The following PHLDB2 variants were observed in gnomAD, a reference collection of about 807,000 sequenced individuals.
The protein encoded by PHLDB2 is pleckstrin homology like domain family B member 2.
PHLDB2 carries 71 observed loss-of-function variants against 123.6 expected under a neutral mutation model. The ratio of observed to expected loss-of-function variants is 0.57; its 90% CI spans 0.47 to 0.70. The LOEUF is 0.70. PHLDB2 is among the 30% of genes least tolerant of loss of function. The pLI, the probability that PHLDB2 is intolerant of heterozygous loss-of-function variation, is 0.00. For missense variants in PHLDB2, 1,446 were observed against 1,519.5 expected (o/e 0.95, Z 0.80); for synonymous variants, 547 against 541.6 (o/e 1.01, Z -0.14).
intron 1 of PHLDB2, among the ~76,000 whole-genome samples, chr3:111,748,471 G>A (rs1209392487): frequency 3.3e-5 from 5 of 152,154 alleles, no homozygotes; most frequent in African/African-American, 7.2e-5. Flanking sequence ...TGGTGACCCT[G>A]TGAGGCTCTA....
intron 1 of PHLDB2, among the ~76,000 whole-genome samples, chr3:111,739,853 G>T (rs566686919): frequency 3.3e-5 from 5 of 151,448 alleles, no homozygotes; most frequent in South Asian, 4.2e-4. Context: ...AAAAAGGCAG[G>T]TTTTTTTTTA....
chr3:111,934,884 A>G (rs2069374220), intron 6 of PHLDB2, among the ~76,000 whole-genome samples: 1 of 152,180 alleles, frequency 6.6e-6, no homozygotes, highest in South Asian at 2.1e-4. Context: ...GGGTTGTCCA[A>G]GACTAATGGA....
intron 1 of PHLDB2, among the ~76,000 whole-genome samples, chr3:111,868,316 A>G (rs1315771864): frequency 6.6e-6 from 1 of 152,178 alleles, no homozygotes; most frequent in Non-Finnish European, 1.5e-5. Context: ...CACCTTGCCT[A>G]GCTTCATACA....
At chr3:111,732,719 G>C in intron 1 of PHLDB2, 1 of 1,527,024 alleles carries the variant, frequency 6.5e-7, no homozygotes, top group Non-Finnish European at 8.8e-7. Context: ...TGATCTCTCT[G>C]GTCACTGGCC....
intron 1 of PHLDB2, among the ~76,000 whole-genome samples, chr3:111,770,247 T>C (rs1576549328): frequency 6.6e-6 from 1 of 152,344 alleles, no homozygotes; most frequent in Non-Finnish European, 1.5e-5. Flanking sequence ...TTTTGGGATA[T>C]GGGAACTCAG....
intron 1 of PHLDB2, among the ~76,000 whole-genome samples, chr3:111,881,773 C>CTTTTTTTT (rs11298720): frequency 7.3e-6 from 1 of 137,432 alleles, no homozygotes; most frequent in African/African-American, 2.7e-5. Flanking sequence ...CCTCACTTTT[C>CTTTTTTTT]TTTTTTTTTT....
chr3:111,884,767 A>G lies in PHLDB2; in HGVS notation c.690A>G (p.Ala230=). The G allele has an allele frequency of 6.2e-7, 1 of 1,614,100 alleles. No individual in the cohort carries two copies. The highest frequency in any genetic ancestry group is 8.5e-7 in the Non-Finnish European group (1 of 1,180,012). The part of the protein sequence containing the change: ...QPKLTRHKEL[A]SENINLRTRK... ...AGTTAACTAGACACAAGGAGCTTGC[A>G]TCTGAAAACATCAATTTGAGAACTA... is the stretch of plus-strand genomic sequence containing the variant. The change falls in exon 2 of 18, where the codon GCA becomes GCG. Residue 230 remains alanine (A), a synonymous_variant. Coordinates refer to ENST00000431670, the MANE Select transcript of PHLDB2 (RefSeq NM_001134438.2).
chr3:111,953,387 A>C (rs551643780), intron 11 of PHLDB2, among the ~76,000 whole-genome samples: 1 of 152,316 alleles, frequency 6.6e-6, no homozygotes, highest in East Asian at 1.9e-4. Context: ...GCCCTTAATC[A>C]GAGTAACTTT....
intron 6 of PHLDB2, among the ~76,000 whole-genome samples, chr3:111,937,318 T>C (rs2069557059): frequency 6.6e-6 from 1 of 152,186 alleles, no homozygotes; most frequent in Non-Finnish European, 1.5e-5. Context: ...AATATCGATA[T>C]AGAAATAACT....
chr3:111,796,319 G>A (rs2061160239), intron 1 of PHLDB2, among the ~76,000 whole-genome samples: 3 of 152,190 alleles, frequency 2.0e-5, no homozygotes, highest in Non-Finnish European at 4.4e-5. Flanking sequence ...GAAGTGTTAA[G>A]ACACTGTCTT....
At position 111,884,122 on chromosome 3, in the gene PHLDB2, T is replaced by A. The variant is rs538840031; in HGVS notation, c.45T>A (p.Asn15Lys). 1.9e-6 allele frequency: 3 copies of A among 1,613,998 alleles called. No homozygotes were observed. In the African/African-American group the frequency reaches 4.0e-5, roughly 22 times the overall value. The change falls in exon 2 of 18, where the codon AAT becomes AAA. Residue 15 changes from asparagine to lysine, a missense_variant. Coordinates refer to ENST00000431670, the MANE Select transcript of PHLDB2 (RefSeq NM_001134438.2). ...SYIQKELDLQ[N>K]GSLEEDSVVH... ...TACAAAAGGAGCTAGATTTACAAAATGGTAGCTTAGAGGAAGACTCTGTGG... is the reference window on the plus strand; with the variant it reads ...TACAAAAGGAGCTAGATTTACAAAAAGGTAGCTTAGAGGAAGACTCTGTGG...
chr3:111,806,580 G>A (rs1237904972), intron 1 of PHLDB2, among the ~76,000 whole-genome samples: 1 of 151,576 alleles, frequency 6.6e-6, no homozygotes, highest in African/African-American at 2.4e-5. Flanking sequence ...TGCTTCCCGG[G>A]TTCAAGCAAT....
At chr3:111,870,053 TTC>T (rs2065264372) in intron 1 of PHLDB2, among the ~76,000 whole-genome samples, 1 of 152,242 alleles carries the variant, frequency 6.6e-6, no homozygotes, top group Admixed American at 6.5e-5. Context: ...ACAGGCTTTT[TTC>T]TCTCTCTGCT....
chr3:111,815,810 C>T (rs1274257641), intron 1 of PHLDB2, among the ~76,000 whole-genome samples: 3 of 152,206 alleles, frequency 2.0e-5, no homozygotes, highest in Non-Finnish European at 4.4e-5. Context: ...ATCCCCAAGA[C>T]AATGGGGACA....
intron 2 of PHLDB2, among the ~76,000 whole-genome samples, chr3:111,894,533 T>TA (rs1246133866): frequency 2.0e-5 from 3 of 151,926 alleles, no homozygotes; most frequent in Non-Finnish European, 4.4e-5. Flanking sequence ...ACCAACAGTG[T>TA]AAAAGTGTTC....
At chr3:111,756,716 G>A (rs1251766323) in intron 1 of PHLDB2, among the ~76,000 whole-genome samples, 3 of 152,086 alleles carry the variant, frequency 2.0e-5, no homozygotes, top group African/African-American at 4.8e-5. Context: ...TATTTTGCTC[G>A]TTAGTGGATG....
Position 111,778,036 on chromosome 3 carries a change from C to T in PHLDB2, c.-49+45333C>T, listed in dbSNP as rs140570483. The stretch of plus-strand genomic sequence containing the variant: ...GGAGAGCTCCGGATTTACATTTCAT[C>T]GCACAATCAACCTACTGCCCCTTGG... On this transcript the variant is annotated intron_variant, in intron 1 of 17. Coordinates refer to the PHLDB2 transcript ENST00000393923. 1.5e-3 allele frequency among the ~76,000 whole-genome samples: 234 copies of T among 152,074 alleles called. 1 individual carries two copies. Among genetic ancestry groups the T allele is most frequent in the East Asian group, 5.4e-3 (28 of 5,160 alleles).
chr3:111,891,987 C>T lies in PHLDB2; in HGVS notation c.1335+6575C>T, dbSNP rs147093257. On this transcript the variant is annotated intron_variant, in intron 2 of 17. Coordinates refer to ENST00000431670, the MANE Select transcript of PHLDB2 (RefSeq NM_001134438.2). ...TGGATTCCCACAAATTGCATTGTAG[C>T]CATCCAATATTTTCTTTCTGACTGG... Among the ~76,000 whole-genome samples, 23 of 152,300 alleles carry T rather than the reference C, an allele frequency of 1.5e-4. No homozygotes were observed. In the East Asian group the frequency reaches 4.3e-3, roughly 28 times the overall value.
At chr3:111,954,458 C>G (rs1435651847) in intron 12 of PHLDB2, among the ~76,000 whole-genome samples, 1 of 152,100 alleles carries the variant, frequency 6.6e-6, no homozygotes, top group African/African-American at 2.4e-5. Context: ...ATTAGTGGCC[C>G]AGAACAGAAT....
Sources: allele counts gnomAD v4.1 joint callset (sites outside exome capture counted in the v4.1 genomes callset), GRCh38; gene constraint gnomAD v4.1.1; transcripts MANE v1.5; gene names NCBI Gene and HGNC (gene_info 2026-07-23, HGNC 2026-07-21).